Variants in MAD1L1 observed in about 807,000 individuals in gnomAD.
MAD1L1 encodes mitotic arrest deficient 1 like 1, also known as mitotic spindle assembly checkpoint protein MAD1.
A neutral mutation model predicts 96.9 loss-of-function variants in MAD1L1; 95 were observed. That is an observed-to-expected ratio of 0.98 (90% CI 0.83 to 1.16). The LOEUF is 1.16. MAD1L1 is among the 50% of genes most tolerant of loss of function. The pLI is 0.00. For missense variants in MAD1L1, 1,007 were observed against 954.4 expected (o/e 1.06, Z -0.73); for synonymous variants, 473 against 396.6 (o/e 1.19, Z -2.29).
chr7:2,139,805 C>G (rs1371176025), intron 11 of MAD1L1, among the ~76,000 whole-genome samples: 1 of 152,208 alleles, frequency 6.6e-6, no homozygotes, highest in East Asian at 1.9e-4. Context: ...CCCCGACCCT[C>G]AAGGCTAAGG....
intron 13 of MAD1L1, among the ~76,000 whole-genome samples, chr7:2,004,287 G>A (rs964274793): frequency 2.6e-5 from 4 of 152,168 alleles, no homozygotes; most frequent in Non-Finnish European, 5.9e-5. Context: ...GGCCTGGGCA[G>A]CGAGATGCAC....
rs373488948 is a variant in MAD1L1, at chr7:2,019,101, C to T, written c.1219-4459G>A. On this transcript the variant is annotated intron_variant, in intron 12 of 18. Coordinates refer to ENST00000265854, the MANE Select transcript of MAD1L1 (RefSeq NM_001013836.2). ...AGGCGGGAACGTGGGGCTGCAGACA[C>T]GGCTCTGCCCACTGACGCCGGCACC... Among the ~76,000 whole-genome samples the T allele has an allele frequency of 1.6e-4, 25 of 152,314 alleles. 1 individual carries two copies. The highest frequency in any genetic ancestry group is 3.8e-4 in the African/African-American group (16 of 41,582).
chr7:2,212,498 C>T (rs1198774855), intron 10 of MAD1L1, among the ~76,000 whole-genome samples: 1 of 152,190 alleles, frequency 6.6e-6, no homozygotes, highest in African/African-American at 2.4e-5. Flanking sequence ...CAGCTTGGGT[C>T]TGTCTTCATG....
intron 12 of MAD1L1, among the ~76,000 whole-genome samples, chr7:2,045,526 T>C (rs1186351426): frequency 6.6e-6 from 1 of 152,246 alleles, no homozygotes; most frequent in Non-Finnish European, 1.5e-5. Context: ...AATATTTCTT[T>C]AACTGGAGGT....
intron 12 of MAD1L1, among the ~76,000 whole-genome samples, chr7:2,061,061 G>A (rs906564568): frequency 1.7e-4 from 26 of 152,226 alleles, no homozygotes; most frequent in African/African-American, 6.3e-4. Context: ...GGCCCAGGAC[G>A]GATACAGTGG....
intron 11 of MAD1L1, among the ~76,000 whole-genome samples, chr7:2,128,732 C>T (rs1562713480): frequency 6.6e-6 from 1 of 152,208 alleles, no homozygotes; most frequent in Non-Finnish European, 1.5e-5. Context: ...TCCCTCTGCC[C>T]TTCTCACCCT....
rs546986375 is a variant in MAD1L1, at chr7:1,904,300, C to T, written c.1808-5910G>A. On this transcript the variant is annotated intron_variant, in intron 17 of 18. Transcript: ENST00000265854. The stretch of plus-strand genomic sequence containing the variant: ...TGAGGACGCAGTGGCCTATGGAAGA[C>T]GCTCTTGCGGAACTCATGATTGATG... Among the ~76,000 whole-genome samples, 773 of 134,718 alleles carry T rather than the reference C, an allele frequency of 5.7e-3. 15 individuals are homozygous for T. Among genetic ancestry groups the T allele is most frequent in the Admixed American group, 0.049 (672 of 13,598 alleles). The allele number at this position is 134,718 out of a possible 152,430, so 88.4% of individuals were successfully genotyped here. A position where few individuals can be genotyped will look rare whatever the true frequency, so the allele number is the denominator to read the frequency against.
At chr7:1,873,034 G>A (rs1404250598) in intron 18 of MAD1L1, among the ~76,000 whole-genome samples, 1 of 152,228 alleles carries the variant, frequency 6.6e-6, no homozygotes, top group Admixed American at 6.5e-5. Flanking sequence ...GAGAAGAAAG[G>A]GCCCAGCCCA....
At chr7:1,837,747 G>A (rs1399278171) in intron 18 of MAD1L1, among the ~76,000 whole-genome samples, 1 of 152,258 alleles carries the variant, frequency 6.6e-6, no homozygotes, top group African/African-American at 2.4e-5. Context: ...GTGGTGACAG[G>A]AAACACAGAA....
At position 2,092,115 on chromosome 7, in the gene MAD1L1, G is replaced by A. The variant is rs116473437; in HGVS notation, c.1074-22777C>T. 2.4e-3 allele frequency among the ~76,000 whole-genome samples: 372 copies of A among 152,328 alleles called. 2 individuals carry two copies. Among genetic ancestry groups the A allele is most frequent in the African/African-American group, 8.7e-3 (361 of 41,572 alleles). ...TTGCACTCCTCCCAGCAGTGCGTGA[G>A]AGTTCCTGTGGCTCCACGTCTCCAC... On this transcript the variant is annotated intron_variant, in intron 11 of 18. Transcript: ENST00000265854.
intron 18 of MAD1L1, among the ~76,000 whole-genome samples, chr7:1,826,009 C>T (rs1263599789): frequency 6.6e-6 from 1 of 152,172 alleles, no homozygotes. Flanking sequence ...ATGACCTCGG[C>T]AGCAGTGATC....
intron 12 of MAD1L1, among the ~76,000 whole-genome samples, chr7:2,021,752 GAGACTCTGTCTCAA>G (rs949972022): frequency 2.0e-5 from 3 of 151,906 alleles, no homozygotes; most frequent in African/African-American, 7.2e-5. Context: ...GCAACAGAGT[GAGACTCTGTCTCAA>G]ACAAACAAAC....
chr7:2,130,741 T>A (rs547298458), intron 11 of MAD1L1, among the ~76,000 whole-genome samples: 1 of 152,254 alleles, frequency 6.6e-6, no homozygotes, highest in East Asian at 1.9e-4. Context: ...ACACCACACC[T>A]CTCCCACTTC....
intron 12 of MAD1L1, among the ~76,000 whole-genome samples, chr7:2,025,729 C>T (rs1782968145): frequency 6.6e-6 from 1 of 152,052 alleles, no homozygotes. Context: ...ACGAATGGAG[C>T]AAAATGTAAA....
intron 12 of MAD1L1, among the ~76,000 whole-genome samples, chr7:2,048,179 G>C (rs549569034): frequency 2.0e-5 from 3 of 152,334 alleles, no homozygotes; most frequent in South Asian, 2.1e-4. Flanking sequence ...GAACACCCGG[G>C]TGCACGCATG....
chr7:1,918,407 C>T (rs1788555613), intron 17 of MAD1L1, among the ~76,000 whole-genome samples: 1 of 152,188 alleles, frequency 6.6e-6, no homozygotes, highest in Admixed American at 6.5e-5. Flanking sequence ...GGCCCCCGAG[C>T]ATGTTCCCAA....
chr7:2,197,777 T>C (rs1792070469), intron 10 of MAD1L1, among the ~76,000 whole-genome samples: 1 of 152,246 alleles, frequency 6.6e-6, no homozygotes, highest in Non-Finnish European at 1.5e-5. Flanking sequence ...CATGCAGGCC[T>C]GACATCGGCT....
At chr7:2,219,250 C>A in intron 6 of MAD1L1, 82 bp downstream of exon 6, 1 of 1,325,282 alleles carries the variant, frequency 7.5e-7, no homozygotes, top group Non-Finnish European at 1.0e-6. Flanking sequence ...TATCCACATC[C>A]CACCCAGCCA....
At chr7:1,981,134 T>A (rs1414907004) in intron 14 of MAD1L1, among the ~76,000 whole-genome samples, 1 of 152,124 alleles carries the variant, frequency 6.6e-6, no homozygotes, top group Non-Finnish European at 1.5e-5. Flanking sequence ...GCCTGGTTAA[T>A]TTTTTGTATT....
Sources: gnomAD v4.1 joint callset for allele counts (sites outside exome capture counted in the v4.1 genomes callset) on GRCh38, gnomAD v4.1.1 for gene constraint, MANE v1.5 for transcripts, NCBI Gene and HGNC (gene_info 2026-07-23, HGNC 2026-07-21) for gene names.